The following EXOSC7 variants were observed in gnomAD, a reference collection of about 807,000 sequenced individuals.
The protein encoded by EXOSC7 is exosome complex component RRP42.
In EXOSC7, 25 loss-of-function variants were observed where a neutral mutation model predicts 34.3. The ratio of observed to expected loss-of-function variants is 0.73; its 90% CI spans 0.53 to 1.02. EXOSC7 has a LOEUF of 1.02. EXOSC7 is among the 50% of genes least tolerant of loss of function. The probability of loss-of-function intolerance (pLI) is 0.00; values close to 1 mark genes in which losing one functional copy is unlikely to be tolerated. For synonymous variants in EXOSC7, 130 were observed against 143.0 expected (o/e 0.91, Z 0.65); for missense variants, 370 against 368.5 (o/e 1.00, Z -0.03).
chr3:44,986,510 G>A (rs537855254), intron 1 of EXOSC7, among the ~76,000 whole-genome samples: 26 of 152,298 alleles, frequency 1.7e-4, no homozygotes, highest in East Asian at 3.9e-4. Context: ...TGAGGGAGCC[G>A]GCTCCCACCT....
At chr3:44,998,815 T>C (rs552994995) in intron 4 of EXOSC7, among the ~76,000 whole-genome samples, 2 of 152,222 alleles carry the variant, frequency 1.3e-5, no homozygotes, top group South Asian at 4.1e-4. Flanking sequence ...TCCTACTAAG[T>C]TGGCAATTTT....
At chr3:45,002,622 T>G (rs532759554) in intron 5 of EXOSC7, among the ~76,000 whole-genome samples, 1 of 152,204 alleles carries the variant, frequency 6.6e-6, no homozygotes, top group African/African-American at 2.4e-5. Context: ...TCTGGAAATA[T>G]GTACCCCCAA....
chr3:45,007,491 G>A lies in EXOSC7; in HGVS notation c.687G>A (p.Ser229=), dbSNP rs1157054263. ...GCTCGCTGGCCAGCTTGCTGGTGTC[G>A]GTGACCAGCAAGGGAGTTGTGACGT... is the stretch of plus-strand genomic sequence containing the variant. ...EACSLASLLV[S]VTSKGVVTCM... Residue 229 remains serine (S), a synonymous_variant, in exon 7 of 8, where the codon TCG becomes TCA. Transcript: ENST00000265564. 14 of 1,613,940 alleles carry A rather than the reference G, an allele frequency of 8.7e-6. No individual in the cohort carries two copies. The highest frequency in any genetic ancestry group is 1.6e-4 in the Middle Eastern group (1 of 6,084).
intron 7 of EXOSC7, 95 bp downstream of exon 7, chr3:45,007,670 A>G: frequency 7.6e-7 from 1 of 1,318,050 alleles, no homozygotes; most frequent in Non-Finnish European, 1.0e-6. Context: ...CTCCCCATTC[A>G]CAGCCTTGAC....
chr3:44,989,536 G>T lies in EXOSC7; in HGVS notation c.160-14G>T. 1.2e-6 allele frequency: 2 copies of T among 1,605,662 alleles called. No homozygotes were observed. The highest frequency in any genetic ancestry group is 8.5e-7 in the Non-Finnish European group (1 of 1,172,402). On this transcript the variant is annotated splice_polypyrimidine_tract_variant and intron_variant, in intron 2 of 7. Coordinates refer to ENST00000265564, the MANE Select transcript of EXOSC7 (RefSeq NM_015004.4). ...CATACTCTGAGTGAGGACTCTTCTTGCATGTGTCTGCAGGGTCACACAGAC... is the reference window on the plus strand; with the variant it reads ...CATACTCTGAGTGAGGACTCTTCTTTCATGTGTCTGCAGGGTCACACAGAC...
chr3:44,989,466 G>C (rs1336822542), intron 2 of EXOSC7, 84 bp from the exon 3 acceptor site: 1 of 1,133,334 alleles, frequency 8.8e-7, no homozygotes, highest in African/African-American at 1.5e-5. Context: ...AGTCCCCCAG[G>C]GGTGTATGTC....
intron 6 of EXOSC7, among the ~76,000 whole-genome samples, chr3:45,006,404 G>GTTTT (rs545281987): frequency 3.4e-4 from 21 of 61,726 alleles, no homozygotes; most frequent in Non-Finnish European, 4.1e-4. Flanking sequence ...TTGTTTATTT[G>GTTTT]TTTTTTTTTT....
intron 4 of EXOSC7, among the ~76,000 whole-genome samples, chr3:44,999,996 ATACTTACT>A (rs997316219): frequency 2.7e-5 from 4 of 150,088 alleles, no homozygotes; most frequent in African/African-American, 9.9e-5. Context: ...CCATGTTTTC[ATACTTACT>A]TACTTCAAAC....
intron 1 of EXOSC7, among the ~76,000 whole-genome samples, chr3:44,980,887 G>T (rs927271843): frequency 1.3e-5 from 2 of 152,118 alleles, no homozygotes; most frequent in Non-Finnish European, 2.9e-5. Flanking sequence ...TATCATAAAC[G>T]ATTTACTCTG....
chr3:44,996,867 C>T (rs1305742609), intron 3 of EXOSC7, among the ~76,000 whole-genome samples: 2 of 152,200 alleles, frequency 1.3e-5, no homozygotes, highest in Admixed American at 1.3e-4. Context: ...GAAATCCCAT[C>T]ACACACACTG....
At position 45,005,434 on chromosome 3, in the gene EXOSC7, GT is replaced by G. The variant is rs769840314; in HGVS notation, c.615+25del. On this transcript the variant is annotated intron_variant, in intron 6 of 7. Transcript: ENST00000265564. ...TGCAAGGTATAACTTGTATTTTATG[GT>G]TTTTGTCTTCCCTGTGGGTGTGGGT... is the stretch of plus-strand genomic sequence containing the variant. The G allele has an allele frequency of 1.1e-5, 18 of 1,610,588 alleles. No homozygotes were observed. The East Asian group carries it at 1.3e-4, about 12-fold the overall frequency.
chr3:44,990,600 A>ACT (rs1332246219), intron 3 of EXOSC7, among the ~76,000 whole-genome samples: 6 of 152,124 alleles, frequency 3.9e-5, no homozygotes, highest in Non-Finnish European at 8.8e-5. Context: ...ATATAGTGAT[A>ACT]CTCACAGCTA....
rs1360655113 is a variant in EXOSC7 at position 45,001,594 on chromosome 3, T to G, written c.477T>G (p.Ala159=). Reference sequence around the variant, plus strand: ...CCATTTCCATTGCTGTAAAGGCTGCTCTCTTCAATACAAGGTAAGTCTTCC... The same window carrying G: ...CCATTTCCATTGCTGTAAAGGCTGCGCTCTTCAATACAAGGTAAGTCTTCC... ...FDAISIAVKA[A]LFNTRIPRVR... The change falls in exon 5 of 8, where the codon GCT becomes GCG. Residue 159 remains alanine (A), a synonymous_variant. Transcript: ENST00000265564. 6.2e-7 allele frequency: 1 copy of G among 1,612,656 alleles called. No homozygotes were observed.
At chr3:45,003,338 CG>C (rs1706934880) in intron 5 of EXOSC7, among the ~76,000 whole-genome samples, 1 of 85,526 alleles carries the variant, frequency 1.2e-5, no homozygotes, top group Non-Finnish European at 2.8e-5. Flanking sequence ...TGCGTGCGTG[CG>C]TGCGTGCGTG....
At chr3:44,987,971 T>TTG (rs1451143654) in intron 1 of EXOSC7, among the ~76,000 whole-genome samples, 1 of 152,032 alleles carries the variant, frequency 6.6e-6, no homozygotes, top group Non-Finnish European at 1.5e-5. Flanking sequence ...TTAAACAGAT[T>TTG]TGTGTGTGTG....
chr3:45,007,411 C>A lies in EXOSC7; in HGVS notation c.616-9C>A. On this transcript the variant is annotated splice_polypyrimidine_tract_variant and intron_variant, in intron 6 of 7. Coordinates refer to ENST00000265564, the MANE Select transcript of EXOSC7 (RefSeq NM_015004.4). Reference sequence around the variant, plus strand: ...GACCCACCGTGTGCCACGCACCCTGCCTTTGCAGATTGGCTATCGGCATGT... The same window carrying A: ...GACCCACCGTGTGCCACGCACCCTGACTTTGCAGATTGGCTATCGGCATGT... 6.2e-7 allele frequency: 1 copy of A among 1,613,918 alleles called. No homozygotes were observed. The highest frequency in any genetic ancestry group is 8.5e-7 in the Non-Finnish European group (1 of 1,179,922).
rs978505929 is a variant in EXOSC7, at chr3:44,979,977, TGAG to T, written c.57+3647_57+3649del. 1.1e-3 allele frequency among the ~76,000 whole-genome samples: 163 copies of T among 152,036 alleles called. 1 individual carries two copies. Among genetic ancestry groups the T allele is most frequent in the African/African-American group, 3.4e-3 (143 of 41,506 alleles). On this transcript the variant is annotated intron_variant, in intron 1 of 7. Coordinates refer to ENST00000265564, the MANE Select transcript of EXOSC7 (RefSeq NM_015004.4). The stretch of plus-strand genomic sequence containing the variant: ...GTTTCAGGGAACCAATAAGAGATGT[TGAG>T]GAGCCCCAAGACAACTACTGGGAGT...
At chr3:44,992,159 C>T (rs946656550) in intron 3 of EXOSC7, among the ~76,000 whole-genome samples, 1 of 152,174 alleles carries the variant, frequency 6.6e-6, no homozygotes, top group African/African-American at 2.4e-5. Flanking sequence ...GTGCCACACA[C>T]CCACTCCCAC....
At chr3:44,996,407 A>G (rs2125968178) in intron 3 of EXOSC7, among the ~76,000 whole-genome samples, 1 of 152,312 alleles carries the variant, frequency 6.6e-6, no homozygotes, top group East Asian at 1.9e-4. Context: ...CAAGAAGCCA[A>G]AAAGGGAAAA....
Sources: gnomAD v4.1 joint callset for allele counts (sites outside exome capture counted in the v4.1 genomes callset) on GRCh38, gnomAD v4.1.1 for gene constraint, MANE v1.5 for transcripts, NCBI Gene and HGNC (gene_info 2026-07-23, HGNC 2026-07-21) for gene names.